Variants in CAMTA1 observed in about 807,000 individuals in gnomAD.
CAMTA1 encodes the protein calmodulin-binding transcription activator 1.
CAMTA1 carries 27 observed loss-of-function variants against 170.9 expected under a neutral mutation model. The ratio of observed to expected loss-of-function variants is 0.16; its 90% CI spans 0.12 to 0.22. The LOEUF is 0.22. Ranked by LOEUF, CAMTA1 falls within the 10% of genes least tolerant of loss-of-function variation. The pLI is 1.00. For missense variants in CAMTA1, 1,619 were observed against 2,217.2 expected, an observed-to-expected ratio of 0.73 and a Z score of 5.42; for synonymous variants, 833 against 891.5, an observed-to-expected ratio of 0.93 and a Z score of 1.17.
At chr1:7,342,924 G>A (rs747339835) in intron 5 of CAMTA1, among the ~76,000 whole-genome samples, 7 of 152,154 alleles carry the variant, frequency 4.6e-5, no homozygotes, top group Non-Finnish European at 8.8e-5. Flanking sequence ...AATCAGACAC[G>A]GAACTCCTTG....
intron 4 of CAMTA1, among the ~76,000 whole-genome samples, chr1:7,165,620 C>G (rs553515193): frequency 3.3e-5 from 5 of 152,180 alleles, no homozygotes; most frequent in African/African-American, 1.2e-4. Flanking sequence ...TTAGTAGATA[C>G]GGGGTTTCAC....
At chr1:6,878,127 G>T (rs975466277) in intron 3 of CAMTA1, among the ~76,000 whole-genome samples, 1 of 152,232 alleles carries the variant, frequency 6.6e-6, no homozygotes. Flanking sequence ...CCAAACAGCC[G>T]TGGCTTTTCG....
intron 4 of CAMTA1, among the ~76,000 whole-genome samples, chr1:7,119,220 TC>T (rs1354060391): frequency 6.6e-6 from 1 of 152,176 alleles, no homozygotes; most frequent in African/African-American, 2.4e-5. Flanking sequence ...TGGTGCAGTC[TC>T]TCCCCAAAAC....
At chr1:7,308,487 A>G (rs1239900556) in intron 5 of CAMTA1, among the ~76,000 whole-genome samples, 1 of 152,142 alleles carries the variant, frequency 6.6e-6, no homozygotes, top group African/African-American at 2.4e-5. Context: ...ACATTTAATA[A>G]GATGAATTTT....
chr1:7,235,456 T>G (rs1360143232), intron 4 of CAMTA1, among the ~76,000 whole-genome samples: 2 of 152,162 alleles, frequency 1.3e-5, no homozygotes, highest in South Asian at 2.1e-4. Flanking sequence ...GAAACCCCTG[T>G]GTCTACTAAA....
chr1:7,737,920 A>G (rs1242582150), intron 15 of CAMTA1, 39 bp from the exon 16 acceptor site: 6 of 1,540,428 alleles, frequency 3.9e-6, no homozygotes, highest in Middle Eastern at 1.7e-4. Context: ...TCCTAGTTGT[A>G]TCTCCTGTCC....
chr1:7,494,097 T>G (rs2093786207), intron 6 of CAMTA1, among the ~76,000 whole-genome samples: 1 of 151,788 alleles, frequency 6.6e-6, no homozygotes, highest in South Asian at 2.1e-4. Flanking sequence ...TCTGGGTTTT[T>G]CTTTCAAGAG....
At chr1:7,337,357 C>T (rs1240768810) in intron 5 of CAMTA1, among the ~76,000 whole-genome samples, 1 of 152,210 alleles carries the variant, frequency 6.6e-6, no homozygotes, top group Non-Finnish European at 1.5e-5. Flanking sequence ...TTTGACCCGG[C>T]CGTGGTACCC....
intron 1 of CAMTA1, among the ~76,000 whole-genome samples, chr1:6,817,012 A>G (rs1044682605): frequency 1.3e-5 from 2 of 152,206 alleles, no homozygotes; most frequent in Non-Finnish European, 2.9e-5. Flanking sequence ...TGGAGACTTC[A>G]TTATGCAGTG....
At chr1:7,747,342 C>G (rs2096864300) in intron 18 of CAMTA1, among the ~76,000 whole-genome samples, 1 of 152,122 alleles carries the variant, frequency 6.6e-6, no homozygotes, top group South Asian at 2.1e-4. Flanking sequence ...AGTCTCTAAC[C>G]ACTCCCAAAA....
chr1:7,268,948 TAAG>T (rs1482483680), intron 5 of CAMTA1, among the ~76,000 whole-genome samples: 2 of 152,194 alleles, frequency 1.3e-5, no homozygotes, highest in African/African-American at 4.8e-5. Flanking sequence ...CCATAATATA[TAAG>T]AAGAACCAAA....
chr1:7,392,655 C>T (rs1176335838), intron 5 of CAMTA1, among the ~76,000 whole-genome samples: 1 of 151,762 alleles, frequency 6.6e-6, no homozygotes, highest in African/African-American at 2.4e-5. Flanking sequence ...GGGTGGATTG[C>T]CTGAGCTCAG....
At chr1:6,988,601 C>A (rs541664365) in intron 3 of CAMTA1, among the ~76,000 whole-genome samples, 9 of 152,156 alleles carry the variant, frequency 5.9e-5, no homozygotes, top group Middle Eastern at 3.4e-3. Flanking sequence ...GATTCCCCCC[C>A]ACCCCCTACC....
chr1:7,751,459 C>G, intron 20 of CAMTA1, 67 bp downstream of exon 20: 1 of 1,398,148 alleles, frequency 7.2e-7, no homozygotes, highest in Non-Finnish European at 9.7e-7. Flanking sequence ...CTTTGAAAGA[C>G]TTGTCCTGGG....
intron 3 of CAMTA1, among the ~76,000 whole-genome samples, chr1:6,916,083 G>A (rs941440546): frequency 5.3e-5 from 8 of 152,094 alleles, no homozygotes; most frequent in Non-Finnish European, 7.4e-5. Context: ...TCTCAGAGGC[G>A]ACCAGGCTGC....
Position 7,435,434 on chromosome 1 carries a change from G to A in CAMTA1, c.439-32396G>A, listed in dbSNP as rs543292065. Among the ~76,000 whole-genome samples, 1 of 152,280 alleles carries A rather than the reference G, an allele frequency of 6.6e-6. No homozygotes were observed. The highest frequency in any genetic ancestry group is 2.1e-4 in the South Asian group (1 of 4,826). On this transcript the variant is annotated intron_variant, in intron 5 of 22. Transcript: ENST00000303635. The surrounding 1 kb of genome is among the most constrained non-coding windows in gnomAD (Gnocchi z 4.4). The stretch of plus-strand genomic sequence containing the variant: ...CCTGTGGGATCCCTGCCCTAGGCTG[G>A]GTTCTTGCTCTGCTGCTATTCCTGT...
chr1:6,883,888 C>G (rs919852258), intron 3 of CAMTA1, among the ~76,000 whole-genome samples: 1 of 152,052 alleles, frequency 6.6e-6, no homozygotes, highest in East Asian at 1.9e-4. Flanking sequence ...TTTTATTTTA[C>G]CCAGTAAGTC....
intron 4 of CAMTA1, among the ~76,000 whole-genome samples, chr1:7,237,587 A>G (rs1664118934): frequency 6.6e-6 from 1 of 152,230 alleles, no homozygotes; most frequent in African/African-American, 2.4e-5. Context: ...CTTCGATTCA[A>G]TCCCCAGTTG....
intron 5 of CAMTA1, among the ~76,000 whole-genome samples, chr1:7,365,474 T>C (rs1042408193): frequency 6.6e-6 from 1 of 152,224 alleles, no homozygotes; most frequent in Non-Finnish European, 1.5e-5. Flanking sequence ...AGACCTTTTT[T>C]TTTAATGCTT....
Sources: gnomAD v4.1 joint callset for allele counts (sites outside exome capture counted in the v4.1 genomes callset) on GRCh38, gnomAD v4.1.1 for gene constraint, Gnocchi (gnomAD v3.1) non-coding constraint, MANE v1.5 for transcripts, NCBI Gene and HGNC (gene_info 2026-07-23, HGNC 2026-07-21) for gene names.